Variants in EPB41L3 observed in about 807,000 individuals in gnomAD.
EPB41L3 encodes erythrocyte membrane protein band 4.1 like 3, also known as band 4.1-like protein 3.
A neutral mutation model predicts 127.1 loss-of-function variants in EPB41L3; 57 were observed. The ratio of observed to expected loss-of-function variants is 0.45; its 90% CI spans 0.36 to 0.56. The LOEUF (loss-of-function observed/expected upper bound fraction) is 0.56. Among genes scored for constraint, EPB41L3 ranks in the 20% least tolerant of loss-of-function variants. The pLI is 0.00. For missense variants in EPB41L3, 1,273 were observed against 1,372.2 expected (o/e 0.93, Z 1.14); for synonymous variants, 572 against 549.5 (o/e 1.04, Z -0.57).
chr18:5,396,249 C>T lies in EPB41L3; in HGVS notation c.2925G>A (p.Val975=). The change falls in exon 19 of 23, where the codon GTG becomes GTA. Residue 975 remains valine, a synonymous_variant. Coordinates refer to ENST00000341928, the MANE Select transcript of EPB41L3 (RefSeq NM_012307.5). Reference sequence around the variant, plus strand: ...TTTTGGTTTCGGTGTGAACTACTGGCACTTCCTTCGTGGAAATTTCTAGCT... The same window carrying T: ...TTTTGGTTTCGGTGTGAACTACTGGTACTTCCTTCGTGGAAATTTCTAGCT... The part of the protein sequence containing the change: ...GVKLEISTKE[V]PVVHTETKTI... 1 of 1,614,200 alleles carries T rather than the reference C, an allele frequency of 6.2e-7. No individual in the cohort carries two copies. The highest frequency in any genetic ancestry group is 8.5e-7 in the Non-Finnish European group (1 of 1,180,032).
At chr18:5,438,167 C>G (rs1229711787) in intron 5 of EPB41L3, 57 bp from the exon 6 acceptor site, 2 of 1,530,958 alleles carry the variant, frequency 1.3e-6, no homozygotes, top group South Asian at 2.3e-5. Context: ...TGACTCTAAT[C>G]GATGGCCAGA....
rs2075478108 is a variant in EPB41L3, at chr18:5,406,881, T to C, written c.2245A>G (p.Thr749Ala). 1 of 1,614,164 alleles carries C rather than the reference T, an allele frequency of 6.2e-7. No individual in the cohort carries two copies. Among genetic ancestry groups the C allele is most frequent in the Non-Finnish European group, 8.5e-7 (1 of 1,180,004 alleles). Residue 749 changes from threonine to alanine, a missense_variant, in exon 16 of 23, where the codon ACT becomes GCT. Thr to Ala is a moderately conservative substitution (Grantham distance 58). Coordinates refer to ENST00000341928, the MANE Select transcript of EPB41L3 (RefSeq NM_012307.5). ...KRTFLETSTD[T>A]AVTNEWEKRL... Reference sequence around the variant, plus strand: ...TTCTCCCATTCATTCGTTACGGCAGTGTCTGTTGAGGTTTCTAAGAAGGTT... The same window carrying C: ...TTCTCCCATTCATTCGTTACGGCAGCGTCTGTTGAGGTTTCTAAGAAGGTT...
At chr18:5,595,517 A>G (rs1473356875) in intron 3 of EPB41L3, among the ~76,000 whole-genome samples, 4 of 152,094 alleles carry the variant, frequency 2.6e-5, no homozygotes, top group Non-Finnish European at 5.9e-5. Context: ...CCTAGGGGCC[A>G]TCTCACGTGC....
chr18:5,498,859 A>C (rs1327505394), intron 1 of EPB41L3, among the ~76,000 whole-genome samples: 1 of 152,214 alleles, frequency 6.6e-6, no homozygotes, highest in Non-Finnish European at 1.5e-5. Context: ...TGTGAAGAAG[A>C]AACTGCCATT....
intron 3 of EPB41L3, among the ~76,000 whole-genome samples, chr18:5,575,191 A>ATTCGCAATC (rs1187167418): frequency 1.3e-5 from 2 of 152,278 alleles, no homozygotes; most frequent in East Asian, 3.9e-4. Flanking sequence ...ATTGTGAGTA[A>ATTCGCAATC]TTCGCAATCT....
chr18:5,586,403 GTTT>G (rs10582883), intron 3 of EPB41L3, among the ~76,000 whole-genome samples: 3 of 135,548 alleles, frequency 2.2e-5, no homozygotes, highest in African/African-American at 5.4e-5. Flanking sequence ...TTTCTTTTTT[GTTT>G]TTTTTTTTTT....
intron 11 of EPB41L3, chr18:5,420,132 C>T (rs532664733): frequency 3.1e-4 from 195 of 627,732 alleles, no homozygotes; most frequent in Non-Finnish European, 4.5e-4. Flanking sequence ...CTTTAAAATT[C>T]GTGAAATGCT....
intron 3 of EPB41L3, among the ~76,000 whole-genome samples, chr18:5,465,250 C>T (rs2147258065): frequency 6.6e-6 from 1 of 152,276 alleles, no homozygotes; most frequent in Admixed American, 6.5e-5. Context: ...GCTTCCTATT[C>T]TTATTTAATA....
At chr18:5,540,953 C>T (rs970714976) in intron 1 of EPB41L3, among the ~76,000 whole-genome samples, 15 of 151,938 alleles carry the variant, frequency 9.9e-5, no homozygotes, top group Admixed American at 5.9e-4. Context: ...GGCGTGGTGG[C>T]GGGCGCCTGT....
In EPB41L3 at chr18:5,561,033, A is replaced by G. The variant is rs186064989; in HGVS notation, c.-306+51307T>C. Among the ~76,000 whole-genome samples, 561 of 136,876 alleles carry G rather than the reference A, an allele frequency of 4.1e-3. 48 individuals are homozygous for G. Among genetic ancestry groups the G allele is most frequent in the Middle Eastern group, 0.012 (3 of 242 alleles). 89.8% of individuals were successfully genotyped at this position (136,876 alleles called of 152,430 possible). A position where few individuals can be genotyped will look rare whatever the true frequency, so the allele number is the denominator to read the frequency against. Reference sequence around the variant, plus strand: ...CGCTCTGTCGCCCAGGCTGGAGTGCAGTGGCGCGATCGCGGCTCACTGCAA... The same window carrying G: ...CGCTCTGTCGCCCAGGCTGGAGTGCGGTGGCGCGATCGCGGCTCACTGCAA... On this transcript the variant is annotated intron_variant, in intron 3 of 21. Transcript: ENST00000545076.
In EPB41L3 at chr18:5,477,642, T is replaced by C. The variant is rs562761955; in HGVS notation, c.381+599A>G. 2.6e-5 allele frequency among the ~76,000 whole-genome samples: 4 copies of C among 152,330 alleles called. No individual in the cohort carries two copies. In the East Asian group the frequency reaches 7.7e-4, roughly 29 times the overall value. The stretch of plus-strand genomic sequence containing the variant: ...CAGGTTGTGTTCTCAACTGCTAATT[T>C]GGTCTTGACAAACATCTCTGACAAA... On this transcript the variant is annotated intron_variant, in intron 3 of 22. Coordinates refer to ENST00000341928, the MANE Select transcript of EPB41L3 (RefSeq NM_012307.5).
chr18:5,602,461 G>C (rs1371131014), intron 3 of EPB41L3, among the ~76,000 whole-genome samples: 1 of 152,144 alleles, frequency 6.6e-6, no homozygotes, highest in Non-Finnish European at 1.5e-5. Context: ...CTCACTCATT[G>C]ATTGATTGAC....
chr18:5,406,816 C>T lies in EPB41L3; in HGVS notation c.2310G>A (p.Gln770=). The T allele has an allele frequency of 1.2e-6, 2 of 1,614,178 alleles. No homozygotes were observed. The highest frequency in any genetic ancestry group is 1.7e-6 in the Non-Finnish European group (2 of 1,180,020). Residue 770 remains glutamine (Q), a synonymous_variant, in exon 16 of 23, where the codon CAG becomes CAA. Coordinates refer to ENST00000341928, the MANE Select transcript of EPB41L3 (RefSeq NM_012307.5). ...STSPVRLAAR[Q]EDAPMIEPLV... The stretch of plus-strand genomic sequence containing the variant: ...GTGGTTCGATCATGGGGGCATCCTC[C>T]TGCCTGGCGGCCAGTCGCACGGGGG...
intron 3 of EPB41L3, among the ~76,000 whole-genome samples, chr18:5,610,543 T>C (rs1201716567): frequency 6.6e-6 from 1 of 152,050 alleles, no homozygotes; most frequent in Non-Finnish European, 1.5e-5. Context: ...ACATACAGGA[T>C]CATAAAAATA....
chr18:5,450,110 T>TGGAAAAGGCAAAACTAAGG (rs2082084933), intron 3 of EPB41L3, among the ~76,000 whole-genome samples: 1 of 151,460 alleles, frequency 6.6e-6, no homozygotes, highest in East Asian at 1.9e-4. Context: ...CATATCATCC[T>TGGAAAAGGCAAAACTAAGG]GGAAAAGGCA....
chr18:5,428,103 C>A (rs1002768816), intron 9 of EPB41L3, among the ~76,000 whole-genome samples: 1 of 152,000 alleles, frequency 6.6e-6, no homozygotes, highest in African/African-American at 2.4e-5. Context: ...CTCCAATTAA[C>A]GTATGCAGTA....
At chr18:5,562,956 G>A (rs565491338) in intron 3 of EPB41L3, among the ~76,000 whole-genome samples, 3 of 152,350 alleles carry the variant, frequency 2.0e-5, no homozygotes, top group Admixed American at 1.3e-4. Context: ...AAATGGACAT[G>A]TTTCTTGTCT....
intron 1 of EPB41L3, among the ~76,000 whole-genome samples, chr18:5,617,325 T>C (rs1055920657): frequency 1.3e-5 from 2 of 149,670 alleles, no homozygotes; most frequent in African/African-American, 4.9e-5. Context: ...TTATTATTTT[T>C]TTTTTTTTTT....
intron 1 of EPB41L3, among the ~76,000 whole-genome samples, chr18:5,531,185 T>C (rs966576677): frequency 2.6e-5 from 4 of 152,216 alleles, no homozygotes; most frequent in Non-Finnish European, 2.9e-5. Flanking sequence ...GATGAGTGTA[T>C]GTTTCTGAGA....
Sources: allele counts gnomAD v4.1 joint callset (sites outside exome capture counted in the v4.1 genomes callset), GRCh38; gene constraint gnomAD v4.1.1; transcripts MANE v1.5; gene names NCBI Gene and HGNC (gene_info 2026-07-23, HGNC 2026-07-21).